Variants in MND1 observed in about 807,000 individuals in gnomAD.
MND1 encodes meiotic nuclear division protein 1 homolog.
A neutral mutation model predicts 35.1 loss-of-function variants in MND1; 28 were observed. The observed-to-expected ratio is 0.80, with a 90% CI of 0.59 to 1.09. The LOEUF is 1.09. Among genes scored for constraint, MND1 ranks in the 50% least tolerant of loss-of-function variants. MND1 has a pLI of 0.00. For missense variants in MND1, 213 were observed against 239.6 expected, an observed-to-expected ratio of 0.89 and a Z score of 0.73; for synonymous variants, 69 against 70.5, an observed-to-expected ratio of 0.98 and a Z score of 0.11.
intron 4 of MND1, among the ~76,000 whole-genome samples, chr4:153,365,960 A>G (rs12506946): frequency 0.21 from 27,354 of 129,690 alleles, 2,574 homozygotes; most frequent in African/African-American, 0.33. Context: ...CTGCAAATGC[A>G]AAAATTTATT....
chr4:153,405,958 C>G (rs1323312274), intron 6 of MND1, among the ~76,000 whole-genome samples: 1 of 151,986 alleles, frequency 6.6e-6, no homozygotes, highest in East Asian at 2.0e-4. Context: ...CGCCCACCAC[C>G]ACGCCAGGCT....
At chr4:153,371,436 G>C (rs896399603) in intron 4 of MND1, among the ~76,000 whole-genome samples, 2 of 152,024 alleles carry the variant, frequency 1.3e-5, no homozygotes, top group Non-Finnish European at 2.9e-5. Context: ...TTTTTGTTTA[G>C]TGTAGCTTGG....
intron 4 of MND1, among the ~76,000 whole-genome samples, chr4:153,362,420 C>T (rs912220598): frequency 2.0e-5 from 3 of 152,142 alleles, no homozygotes; most frequent in African/African-American, 4.8e-5. Flanking sequence ...TGTGTAGCAC[C>T]TCCCCCGCTT....
chr4:153,362,798 C>G (rs1773528065), intron 4 of MND1, among the ~76,000 whole-genome samples: 1 of 152,012 alleles, frequency 6.6e-6, no homozygotes, highest in Admixed American at 6.5e-5. Context: ...GCCACAGATG[C>G]TCTGTGAAAT....
chr4:153,375,755 A>T (rs1012792609), intron 4 of MND1, among the ~76,000 whole-genome samples: 6 of 152,142 alleles, frequency 3.9e-5, no homozygotes, highest in Non-Finnish European at 7.4e-5. Context: ...AATAGCTGTT[A>T]TATTCTGATA....
At chr4:153,356,425 C>T (rs1773339226) in intron 3 of MND1, among the ~76,000 whole-genome samples, 1 of 151,756 alleles carries the variant, frequency 6.6e-6, no homozygotes. Context: ...TGGTGGCAGG[C>T]GTCTATAGTC....
chr4:153,360,586 G>C (rs1006087005), intron 4 of MND1, among the ~76,000 whole-genome samples: 3 of 67,250 alleles, frequency 4.5e-5, no homozygotes, highest in Admixed American at 4.3e-4. Context: ...TTTTCTGTAT[G>C]TGTGTGTGTG....
intron 4 of MND1, among the ~76,000 whole-genome samples, chr4:153,374,116 C>T (rs529229126): frequency 6.6e-6 from 1 of 152,304 alleles, no homozygotes; most frequent in East Asian, 1.9e-4. Flanking sequence ...ACACCTACTT[C>T]AAGGCGGTTG....
intron 2 of MND1, among the ~76,000 whole-genome samples, chr4:153,350,951 T>TAAAAAAAAAAAA (rs567868452): frequency 8.1e-6 from 1 of 123,540 alleles, no homozygotes; most frequent in Non-Finnish European, 1.8e-5. Flanking sequence ...AGATTCTTAG[T>TAAAAAAAAAAAA]AAAAAAAAAA....
At chr4:153,414,506 A>G (rs2149662380) in intron 7 of MND1, among the ~76,000 whole-genome samples, 1 of 152,032 alleles carries the variant, frequency 6.6e-6, no homozygotes, top group Non-Finnish European at 1.5e-5. Flanking sequence ...GCTGGTCTCA[A>G]ACTCCTGACC....
At chr4:153,366,845 A>T (rs758411017) in intron 4 of MND1, among the ~76,000 whole-genome samples, 1 of 152,168 alleles carries the variant, frequency 6.6e-6, no homozygotes, top group Non-Finnish European at 1.5e-5. Context: ...GGTTAGTATT[A>T]TATTTGTTTT....
chr4:153,373,634 C>T (rs1164518940), intron 4 of MND1, among the ~76,000 whole-genome samples: 2 of 152,234 alleles, frequency 1.3e-5, no homozygotes, highest in Non-Finnish European at 2.9e-5. Flanking sequence ...CCCACTCTCA[C>T]GTACCGGAGA....
At chr4:153,400,377 A>T (rs1370360517) in intron 6 of MND1, among the ~76,000 whole-genome samples, 8 of 152,164 alleles carry the variant, frequency 5.3e-5, no homozygotes, top group East Asian at 1.9e-4. Flanking sequence ...TGTGCATTTT[A>T]AAAAATTTAT....
chr4:153,407,945 ATAG>A (rs564250037), intron 6 of MND1, among the ~76,000 whole-genome samples: 111 of 152,320 alleles, frequency 7.3e-4, no homozygotes, highest in Middle Eastern at 6.8e-3. Context: ...CTGGAATTAA[ATAG>A]TAGTAATGGT....
intron 6 of MND1, among the ~76,000 whole-genome samples, chr4:153,403,466 A>G (rs886244607): frequency 5.9e-5 from 9 of 152,232 alleles, no homozygotes; most frequent in African/African-American, 2.2e-4. Flanking sequence ...TAGCTTGACC[A>G]CTAAGCTAAC....
At chr4:153,385,562 A>C (rs1038018408) in intron 4 of MND1, among the ~76,000 whole-genome samples, 2 of 152,016 alleles carry the variant, frequency 1.3e-5, no homozygotes, top group African/African-American at 2.4e-5. Flanking sequence ...CGAAAAATAC[A>C]AAAATTAGCC....
At chr4:153,346,114 T>C (rs932732091) in intron 1 of MND1, among the ~76,000 whole-genome samples, 1 of 152,198 alleles carries the variant, frequency 6.6e-6, no homozygotes, top group Non-Finnish European at 1.5e-5. Context: ...ATAAATTTAG[T>C]GTTGGTCAAA....
At chr4:153,403,105 C>T (rs1723535020) in intron 6 of MND1, among the ~76,000 whole-genome samples, 1 of 152,034 alleles carries the variant, frequency 6.6e-6, no homozygotes, top group South Asian at 2.1e-4. Context: ...CACTCTGCTC[C>T]AGCTTGGGTG....
intron 4 of MND1, among the ~76,000 whole-genome samples, chr4:153,387,478 G>A (rs1579935648): frequency 6.6e-6 from 1 of 152,032 alleles, no homozygotes; most frequent in South Asian, 2.1e-4. Context: ...ACGTAAACAA[G>A]GCCAGGCTCA....
Sources: allele counts gnomAD v4.1 joint callset (sites outside exome capture counted in the v4.1 genomes callset), GRCh38; gene constraint gnomAD v4.1.1; transcripts MANE v1.5; gene names NCBI Gene and HGNC (gene_info 2026-07-23, HGNC 2026-07-21).